Variants in NIPBL observed in about 807,000 individuals in gnomAD.
The protein encoded by NIPBL is NIPBL cohesin loading factor.
In NIPBL, 19 loss-of-function variants were observed where a neutral mutation model predicts 321.8. That is an observed-to-expected ratio of 0.06 (90% CI 0.04 to 0.09). The LOEUF (loss-of-function observed/expected upper bound fraction) is 0.09, where lower values mean the gene tolerates loss of function less well. NIPBL is among the 10% of genes least tolerant of loss of function. The pLI is 1.00. For synonymous variants in NIPBL, 1,106 were observed against 1,114.1 expected (o/e 0.99, Z 0.14); for missense variants, 2,210 against 3,327.0 (o/e 0.66, Z 8.26).
intron 10 of NIPBL, 112 bp from the exon 11 acceptor site, chr5:36,995,510 A>C: frequency 1.4e-6 from 1 of 709,674 alleles, no homozygotes; most frequent in Non-Finnish European, 2.4e-6. Flanking sequence ...TATTAAAATA[A>C]ACAGTTGATT....
chr5:37,012,725 C>T (rs1233306685), intron 21 of NIPBL, among the ~76,000 whole-genome samples: 1 of 152,112 alleles, frequency 6.6e-6, no homozygotes, highest in African/African-American at 2.4e-5. Flanking sequence ...TTGCACCGCC[C>T]TTAATTCATT....
chr5:36,970,759 ATC>A, intron 6 of NIPBL, 115 bp from the exon 7 acceptor site: 1 of 870,478 alleles, frequency 1.1e-6, no homozygotes, highest in Non-Finnish European at 1.9e-6. Context: ...GTACATGAGT[ATC>A]TGTTATATTA....
At chr5:37,029,264 C>G (rs1442744520) in intron 32 of NIPBL, among the ~76,000 whole-genome samples, 2 of 152,210 alleles carry the variant, frequency 1.3e-5, no homozygotes, top group African/African-American at 4.8e-5. Flanking sequence ...CCCTAGAAAA[C>G]TATTGATCTA....
chr5:37,027,603 GTTTTTTTTTTT>G (rs781358128), intron 32 of NIPBL, among the ~76,000 whole-genome samples, 191 bp downstream of exon 32: 1 of 69,748 alleles, frequency 1.4e-5, no homozygotes, highest in Non-Finnish European at 2.4e-5. Context: ...CCTGGTTGTG[GTTTTTTTTTTT>G]TTTTTTTTTT....
chr5:36,937,340 C>T (rs1738543832), intron 1 of NIPBL, among the ~76,000 whole-genome samples: 2 of 152,150 alleles, frequency 1.3e-5, no homozygotes, highest in African/African-American at 2.4e-5. Flanking sequence ...ATACTCTTGA[C>T]ATTCTAAATT....
chr5:36,934,297 A>G (rs369446072), intron 1 of NIPBL, among the ~76,000 whole-genome samples: 252 of 152,276 alleles, frequency 1.7e-3, no homozygotes, highest in African/African-American at 5.9e-3. Flanking sequence ...TTCTGTACCT[A>G]AGGTGCCAGT....
At chr5:37,021,938 A>G in intron 27 of NIPBL, 113 bp from the exon 28 acceptor site, 1 of 808,176 alleles carries the variant, frequency 1.2e-6, no homozygotes, top group Non-Finnish European at 2.1e-6. Flanking sequence ...ATTTATATAC[A>G]GATTAAAGAG....
chr5:37,052,648 C>G (rs936411686), intron 42 of NIPBL, 82 bp downstream of exon 42: 1 of 1,023,624 alleles, frequency 9.8e-7, no homozygotes, highest in African/African-American at 1.6e-5. Flanking sequence ...TAAATATTAC[C>G]ATTTTATTAG....
Position 37,064,078 on chromosome 5 carries a change from T to TA in NIPBL, c.8049+102dup. 6 of 1,511,464 alleles carry TA rather than the reference T, an allele frequency of 4.0e-6. No homozygotes were observed. The South Asian group carries it at 7.9e-5, about 20-fold the overall frequency. The allele number at this position is 1,511,464 out of a possible 1,614,324, so 93.6% of individuals were successfully genotyped here. On this transcript the variant is annotated intron_variant, in intron 46 of 46. Coordinates refer to ENST00000282516, the MANE Select transcript of NIPBL (RefSeq NM_133433.4). The stretch of plus-strand genomic sequence containing the variant: ...TCTATTAAATGTACACCAAGTAATG[T>TA]AATACTTAAAAGAGAAAACATTTTG...
At chr5:37,029,023 T>C (rs1467529946) in intron 32 of NIPBL, among the ~76,000 whole-genome samples, 1 of 152,232 alleles carries the variant, frequency 6.6e-6, no homozygotes, top group Non-Finnish European at 1.5e-5. Flanking sequence ...TAGTGAAATC[T>C]AGAGGCTTAA....
At chr5:36,987,684 A>G (rs926213118) in intron 10 of NIPBL, among the ~76,000 whole-genome samples, 3 of 152,220 alleles carry the variant, frequency 2.0e-5, no homozygotes, top group East Asian at 1.9e-4. Flanking sequence ...ATGAAAAAAG[A>G]TTGCCTTCTG....
At chr5:36,954,517 T>C (rs1202118458) in intron 2 of NIPBL, among the ~76,000 whole-genome samples, 2 of 152,160 alleles carry the variant, frequency 1.3e-5, no homozygotes, top group Non-Finnish European at 2.9e-5. Flanking sequence ...AAGAAAACTT[T>C]TTGAAACTGG....
intron 10 of NIPBL, among the ~76,000 whole-genome samples, chr5:36,990,822 C>T (rs957911992): frequency 6.6e-6 from 1 of 152,112 alleles, no homozygotes; most frequent in South Asian, 2.1e-4. Flanking sequence ...TCTCTCCTTT[C>T]CATTCTGTCT....
chr5:37,028,781 C>G (rs1157353683), intron 32 of NIPBL, among the ~76,000 whole-genome samples: 6 of 152,074 alleles, frequency 3.9e-5, no homozygotes, highest in Admixed American at 3.3e-4. Flanking sequence ...TAACTAATAC[C>G]TATTCAGTGT....
intron 24 of NIPBL, among the ~76,000 whole-genome samples, chr5:37,018,125 C>T (rs1749199728): frequency 6.6e-6 from 1 of 152,124 alleles, no homozygotes; most frequent in South Asian, 2.1e-4. Flanking sequence ...ATTCTTAGGA[C>T]CCTCCCTGGA....
In NIPBL at chr5:37,065,567, T is replaced by C. The variant is rs1561235228; in HGVS notation, c.*675T>C. The C allele has an allele frequency of 6.5e-6, 1 of 152,682 alleles. No homozygotes were observed. The highest frequency in any genetic ancestry group is 6.5e-5 in the Admixed American group (1 of 15,286). 9.5% of individuals were successfully genotyped at this position (152,682 alleles called of 1,614,324 possible). On this transcript the variant is annotated 3_prime_UTR_variant, in exon 47 of 47. Coordinates refer to ENST00000282516, the MANE Select transcript of NIPBL (RefSeq NM_133433.4). ...CTGTTTAAATCCATTTATATTATTT[T>C]ACAGTCTTTTATGTAAAATTTATTA... is the stretch of plus-strand genomic sequence containing the variant.
chr5:37,030,919 CTTTT>C (rs11291612), intron 32 of NIPBL, among the ~76,000 whole-genome samples: 10 of 82,384 alleles, frequency 1.2e-4, no homozygotes, highest in East Asian at 3.7e-4. Context: ...CATGTTTAGC[CTTTT>C]TTTTTTTTTT....
intron 34 of NIPBL, among the ~76,000 whole-genome samples, chr5:37,042,308 A>G (rs959044002): frequency 1.3e-5 from 2 of 150,804 alleles, no homozygotes; most frequent in Non-Finnish European, 1.5e-5. Context: ...GGTGGTGCGC[A>G]CCTATAGTCC....
At chr5:36,968,203 A>T (rs1742454711) in intron 6 of NIPBL, among the ~76,000 whole-genome samples, 1 of 152,104 alleles carries the variant, frequency 6.6e-6, no homozygotes, top group Non-Finnish European at 1.5e-5. Context: ...AATTAATATA[A>T]TTCAGATTAT....
Sources: allele counts gnomAD v4.1 joint callset (sites outside exome capture counted in the v4.1 genomes callset), GRCh38; gene constraint gnomAD v4.1.1; transcripts MANE v1.5; gene names NCBI Gene and HGNC (gene_info 2026-07-23, HGNC 2026-07-21).